The following TTC17 variants were observed in gnomAD, a reference collection of about 807,000 sequenced individuals.
TTC17 encodes the protein tetratricopeptide repeat domain 17, also known as tetratricopeptide repeat protein 17.
Under a neutral mutation model 143.8 loss-of-function variants are expected in TTC17, and 58 were observed. The observed-to-expected ratio is 0.40, with a 90% confidence interval of 0.33 to 0.50. TTC17 has a LOEUF of 0.50. Among genes scored for constraint, TTC17 ranks in the 20% least tolerant of loss-of-function variants. TTC17 has a pLI of 0.49. For synonymous variants in TTC17, 501 were observed against 497.8 expected, an observed-to-expected ratio of 1.01 and a Z score of -0.09; for missense variants, 1,273 against 1,392.5, an observed-to-expected ratio of 0.91 and a Z score of 1.37.
intron 2 of TTC17, among the ~76,000 whole-genome samples, chr11:43,383,444 T>A (rs1423939623): frequency 6.6e-6 from 1 of 151,986 alleles, no homozygotes; most frequent in Non-Finnish European, 1.5e-5. Flanking sequence ...CTCCGCCTCC[T>A]GGGGTTCAAG....
At chr11:43,465,580 CAATT>C (rs372355023) in intron 21 of TTC17, among the ~76,000 whole-genome samples, 396 of 152,210 alleles carry the variant, frequency 2.6e-3, no homozygotes, top group South Asian at 4.1e-3. Context: ...ATTAAGAACT[CAATT>C]GATGGGTATA....
chr11:43,360,908 CTTT>C (rs574467530), intron 1 of TTC17, among the ~76,000 whole-genome samples: 134 of 152,186 alleles, frequency 8.8e-4, no homozygotes, highest in African/African-American at 3.2e-3. Context: ...TATTACATGA[CTTT>C]TTAAGTGATC....
chr11:43,485,883 GTT>G (rs751026290), intron 21 of TTC17, among the ~76,000 whole-genome samples: 12,071 of 112,420 alleles, frequency 0.11, 418 homozygotes, highest in Middle Eastern at 0.15. Flanking sequence ...TTGGTTTTTT[GTT>G]TTTTTTTTTT....
chr11:43,387,345 G>C (rs954204495), intron 2 of TTC17, among the ~76,000 whole-genome samples: 4 of 152,112 alleles, frequency 2.6e-5, no homozygotes, highest in Non-Finnish European at 5.9e-5. Flanking sequence ...TATAAGCCTG[G>C]TTAAAGTTTC....
intron 1 of TTC17, among the ~76,000 whole-genome samples, chr11:43,361,245 T>C (rs1176144208): frequency 1.3e-5 from 2 of 152,234 alleles, no homozygotes; most frequent in African/African-American, 4.8e-5. Context: ...TATTTGTATA[T>C]ACTGTACTTA....
At chr11:43,450,389 G>C (rs981328533) in intron 20 of TTC17, 148 bp downstream of exon 20, 53 of 896,584 alleles carry the variant, frequency 5.9e-5, no homozygotes, top group Middle Eastern at 7.2e-4. Flanking sequence ...TTTGGGCCAA[G>C]CCTGATTTCT....
At chr11:43,366,431 G>A (rs943330264) in intron 1 of TTC17, among the ~76,000 whole-genome samples, 8 of 151,742 alleles carry the variant, frequency 5.3e-5, no homozygotes, top group Admixed American at 3.3e-4. Flanking sequence ...GCTTGAGCCC[G>A]GGAGGTGGAG....
At chr11:43,359,497 TAGAA>T (rs1168884051) in intron 1 of TTC17, among the ~76,000 whole-genome samples, 2 of 152,164 alleles carry the variant, frequency 1.3e-5, no homozygotes, top group African/African-American at 2.4e-5. Flanking sequence ...CCCGAGGAAA[TAGAA>T]AGCAGGTGGC....
intron 16 of TTC17, among the ~76,000 whole-genome samples, chr11:43,424,070 AATAATCATTC>A (rs1946967452): frequency 1.3e-5 from 2 of 151,966 alleles, no homozygotes; most frequent in Admixed American, 1.3e-4. Flanking sequence ...AGATGAAACC[AATAATCATTC>A]TTTTTCCTTT....
Position 43,406,423 on chromosome 11 carries a change from A to G in TTC17, c.1761+472A>G, listed in dbSNP as rs542081545. Among the ~76,000 whole-genome samples, 8 of 152,234 alleles carry G rather than the reference A, an allele frequency of 5.3e-5. No homozygotes were observed. The South Asian group carries it at 8.3e-4, about 16-fold the overall frequency. On this transcript the variant is annotated intron_variant, in intron 13 of 23. Coordinates refer to ENST00000039989, the MANE Select transcript of TTC17 (RefSeq NM_018259.6). ...TGACTCTGCAAACATTAGAAGTTCA[A>G]TTATGCTCTTTTCCTAAATTCCTAT...
intron 1 of TTC17, among the ~76,000 whole-genome samples, chr11:43,364,542 G>A (rs1482255272): frequency 6.6e-6 from 1 of 152,154 alleles, no homozygotes; most frequent in Non-Finnish European, 1.5e-5. Context: ...CCAGGATTTA[G>A]TTACACCTGG....
intron 8 of TTC17, among the ~76,000 whole-genome samples, chr11:43,399,326 A>G (rs1354437403): frequency 6.6e-6 from 1 of 152,126 alleles, no homozygotes; most frequent in Non-Finnish European, 1.5e-5. Flanking sequence ...ATCGTCATGT[A>G]TTTTTTTATG....
intron 15 of TTC17, among the ~76,000 whole-genome samples, chr11:43,412,981 G>GACACACACACACAC (rs57982323): frequency 2.5e-4 from 35 of 140,480 alleles, no homozygotes; most frequent in African/African-American, 8.8e-4. Context: ...ACCTAGAATA[G>GACACACACACACAC]ACACACACAC....
chr11:43,478,666 G>A (rs1396578100), intron 21 of TTC17, among the ~76,000 whole-genome samples: 3 of 152,108 alleles, frequency 2.0e-5, no homozygotes, highest in Non-Finnish European at 2.9e-5. Context: ...AGAGTGCAGT[G>A]ACACAGTCTT....
At chr11:43,431,109 T>C (rs1334920162) in intron 16 of TTC17, among the ~76,000 whole-genome samples, 1 of 152,206 alleles carries the variant, frequency 6.6e-6, no homozygotes, top group Non-Finnish European at 1.5e-5. Context: ...AACTCATCCT[T>C]TTTTATGGCT....
At chr11:43,391,428 C>G in intron 3 of TTC17, 37 bp from the exon 4 acceptor site, 4 of 1,260,912 alleles carry the variant, frequency 3.2e-6, no homozygotes, top group Non-Finnish European at 4.6e-6. Flanking sequence ...TTGTTTATCT[C>G]ACCTTTTATT....
At chr11:43,438,437 G>A (rs1055527740) in intron 16 of TTC17, among the ~76,000 whole-genome samples, 3 of 152,110 alleles carry the variant, frequency 2.0e-5, no homozygotes, top group East Asian at 3.8e-4. Flanking sequence ...GAGCCACAGC[G>A]CCCGGCTGTA....
chr11:43,446,341 A>G (rs999934113), intron 18 of TTC17: 50 of 301,510 alleles, frequency 1.7e-4, no homozygotes, highest in Non-Finnish European at 2.2e-4. Context: ...CAATTGTTCT[A>G]TATCTTCGCT....
intron 21 of TTC17, among the ~76,000 whole-genome samples, chr11:43,478,944 A>G (rs924842010): frequency 6.6e-6 from 1 of 152,166 alleles, no homozygotes; most frequent in South Asian, 2.1e-4. Flanking sequence ...TGCAGCTTTT[A>G]AAAGAGTAGT....
Sources: allele counts gnomAD v4.1 joint callset (sites outside exome capture counted in the v4.1 genomes callset), GRCh38; gene constraint gnomAD v4.1.1; transcripts MANE v1.5; gene names NCBI Gene and HGNC (gene_info 2026-07-23, HGNC 2026-07-21).